The following MYO3B variants were observed in gnomAD, a reference collection of about 807,000 sequenced individuals.
MYO3B encodes myosin IIIB.
Under a neutral mutation model 174.6 loss-of-function variants are expected in MYO3B, and 156 were observed. The observed-to-expected ratio is 0.89, with a 90% CI of 0.78 to 1.02. The LOEUF is 1.02. Among genes scored for constraint, MYO3B ranks in the 50% least tolerant of loss-of-function variants. The pLI is 0.00. For missense variants in MYO3B, 1,632 were observed against 1,639.4 expected (o/e 1.00, Z 0.08); for synonymous variants, 563 against 569.1 (o/e 0.99, Z 0.15).
intron 8 of MYO3B, among the ~76,000 whole-genome samples, chr2:170,339,200 G>A (rs955942413): frequency 6.6e-5 from 10 of 152,064 alleles, no homozygotes; most frequent in African/African-American, 2.4e-4. Flanking sequence ...ATGATTATCT[G>A]GTAATTTTAG....
intron 32 of MYO3B, among the ~76,000 whole-genome samples, chr2:170,624,225 T>A (rs558785475): frequency 6.0e-4 from 92 of 152,360 alleles, no homozygotes; most frequent in Admixed American, 2.2e-3. Context: ...TTCTTCCATT[T>A]GTTTGTGTCC....
chr2:170,277,069 G>C (rs1461977115), intron 7 of MYO3B, among the ~76,000 whole-genome samples: 1 of 152,170 alleles, frequency 6.6e-6, no homozygotes, highest in African/African-American at 2.4e-5. Context: ...CAAGGTCAGT[G>C]CTGGGAACTG....
chr2:170,552,221 G>T (rs1690969886), intron 32 of MYO3B, among the ~76,000 whole-genome samples: 1 of 152,204 alleles, frequency 6.6e-6, no homozygotes, highest in Non-Finnish European at 1.5e-5. Flanking sequence ...AATGGGCAGA[G>T]GTAGGAACAG....
chr2:170,298,678 CAAAAAAAAA>C (rs71399527), intron 7 of MYO3B, among the ~76,000 whole-genome samples: 3 of 63,340 alleles, frequency 4.7e-5, no homozygotes, highest in Non-Finnish European at 9.8e-5. Context: ...GACTCTGTCT[CAAAAAAAAA>C]AAAAAAAAAA....
chr2:170,283,554 T>A (rs1449600375), intron 7 of MYO3B, among the ~76,000 whole-genome samples: 1 of 152,226 alleles, frequency 6.6e-6, no homozygotes, highest in Non-Finnish European at 1.5e-5. Flanking sequence ...ATATCTCCTT[T>A]TGCTCTTAAC....
At chr2:170,340,488 T>C (rs1422854068) in intron 8 of MYO3B, 1 of 152,174 alleles carries the variant, frequency 6.6e-6, no homozygotes. Context: ...ATGGCTGACA[T>C]TCCTATAACA....
chr2:170,620,925 G>T (rs1695859773), intron 32 of MYO3B, among the ~76,000 whole-genome samples: 1 of 151,978 alleles, frequency 6.6e-6, no homozygotes, highest in African/African-American at 2.4e-5. Context: ...GTCTTGCTCT[G>T]TCACCCAGGT....
chr2:170,410,292 G>A (rs1188280817), intron 22 of MYO3B, among the ~76,000 whole-genome samples: 5 of 152,152 alleles, frequency 3.3e-5, no homozygotes, highest in Admixed American at 6.5e-5. Context: ...GAGGCCAGGC[G>A]CGGTGGCTCA....
At chr2:170,315,259 G>A (rs2093767219) in intron 7 of MYO3B, among the ~76,000 whole-genome samples, 1 of 151,996 alleles carries the variant, frequency 6.6e-6, no homozygotes, top group Non-Finnish European at 1.5e-5. Flanking sequence ...GTCATACCAT[G>A]TCAGAGATAA....
intron 7 of MYO3B, among the ~76,000 whole-genome samples, chr2:170,261,801 A>C (rs2093347826): frequency 6.6e-6 from 1 of 152,242 alleles, no homozygotes; most frequent in Admixed American, 6.5e-5. Flanking sequence ...GATGGTACAA[A>C]TGTCTAAGAA....
intron 7 of MYO3B, among the ~76,000 whole-genome samples, chr2:170,290,633 G>A (rs1197892120): frequency 6.6e-6 from 1 of 152,082 alleles, no homozygotes; most frequent in Admixed American, 6.6e-5. Flanking sequence ...TGTCCCTTCA[G>A]CCACTCTCTA....
chr2:170,347,356 CT>C (rs2094024260), intron 8 of MYO3B, among the ~76,000 whole-genome samples: 1 of 152,088 alleles, frequency 6.6e-6, no homozygotes. Context: ...AATCCCAGCA[CT>C]TTGGTAGGCT....
intron 7 of MYO3B, among the ~76,000 whole-genome samples, chr2:170,294,215 T>C (rs7583404): frequency 0.67 from 101,960 of 151,618 alleles, 34,439 homozygotes; most frequent in Admixed American, 0.73. Context: ...AAAAACAAAA[T>C]TCTCCATATA....
chr2:170,501,456 A>C (rs988173408), intron 27 of MYO3B, among the ~76,000 whole-genome samples: 17 of 152,184 alleles, frequency 1.1e-4, no homozygotes, highest in African/African-American at 4.1e-4. Context: ...CGAGTCTTGA[A>C]GACAGGGCTT....
At chr2:170,476,721 C>T (rs1685341100) in intron 25 of MYO3B, among the ~76,000 whole-genome samples, 2 of 151,884 alleles carry the variant, frequency 1.3e-5, no homozygotes, top group African/African-American at 4.8e-5. Context: ...GTGGTGGGCC[C>T]AAAGGCAATT....
At chr2:170,227,662 C>T (rs1452878832) in intron 6 of MYO3B, among the ~76,000 whole-genome samples, 2 of 152,126 alleles carry the variant, frequency 1.3e-5, no homozygotes, top group African/African-American at 4.8e-5. Flanking sequence ...CAAGGACATC[C>T]TTATTTGCAT....
At chr2:170,491,641 G>A (rs1393874569) in intron 25 of MYO3B, among the ~76,000 whole-genome samples, 1 of 152,150 alleles carries the variant, frequency 6.6e-6, no homozygotes, top group East Asian at 1.9e-4. Flanking sequence ...TAGCCAGGAC[G>A]GTCTCAATCT....
chr2:170,300,273 A>G (rs534960700), intron 7 of MYO3B, among the ~76,000 whole-genome samples: 70 of 152,272 alleles, frequency 4.6e-4, no homozygotes, highest in African/African-American at 1.7e-3. Context: ...GTGACTCACC[A>G]TGTTCTCTTT....
chr2:170,438,657 C>T (rs960773623), intron 22 of MYO3B, among the ~76,000 whole-genome samples: 10 of 150,668 alleles, frequency 6.6e-5, no homozygotes, highest in South Asian at 4.2e-4. Context: ...TTTTTTGAGA[C>T]GGAGTCTTGC....
Sources: allele counts gnomAD v4.1 joint callset (sites outside exome capture counted in the v4.1 genomes callset), GRCh38; gene constraint gnomAD v4.1.1; transcripts MANE v1.5; gene names NCBI Gene and HGNC (gene_info 2026-07-23, HGNC 2026-07-21).